The following SRD5A1 variants were observed in gnomAD, a reference collection of about 807,000 sequenced individuals.
SRD5A1 encodes 3-oxo-5-alpha-steroid 4-dehydrogenase 1.
SRD5A1 carries 22 observed loss-of-function variants against 28.2 expected under a neutral mutation model. The ratio of observed to expected loss-of-function variants is 0.78; its 90% CI spans 0.56 to 1.12. The LOEUF (loss-of-function observed/expected upper bound fraction) is 1.12, where lower values mean the gene tolerates loss of function less well. Among genes scored for constraint, SRD5A1 ranks in the 50% most tolerant of loss-of-function variants. The probability of loss-of-function intolerance (pLI) is 0.00; values close to 1 mark genes in which losing one functional copy is unlikely to be tolerated. For missense variants in SRD5A1, 300 were observed against 346.7 expected (o/e 0.87, Z 1.07); for synonymous variants, 151 against 135.0 (o/e 1.12, Z -0.82).
chr5:6,642,220 T>C (rs1351438629), intron 1 of SRD5A1, among the ~76,000 whole-genome samples: 1 of 147,624 alleles, frequency 6.8e-6, no homozygotes, highest in Non-Finnish European at 1.5e-5. Context: ...TTCCTCTCAG[T>C]GTTGATCTGT....
chr5:6,633,939 G>T, intron 1 of SRD5A1, 70 bp downstream of exon 1: 2 of 1,524,336 alleles, frequency 1.3e-6, no homozygotes, highest in Non-Finnish European at 1.8e-6. Context: ...TCCCCTCACT[G>T]CCCGGTGCCC....
intron 1 of SRD5A1, among the ~76,000 whole-genome samples, chr5:6,636,075 A>T (rs1049413200): frequency 8.2e-6 from 1 of 121,890 alleles, no homozygotes; most frequent in Non-Finnish European, 1.9e-5. Flanking sequence ...TTAAATTGCT[A>T]GGCTATTTTT....
At position 6,673,087 on chromosome 5, in the gene SRD5A1, AT is replaced by A. The variant is rs1215449762; in HGVS notation, c.*4822del. Reference sequence around the variant, plus strand: ...AGATCCTCTGGGGAGGGCATCAATTATTTCCTATTGTTTTTAGCACCGATTG... The same window carrying A: ...AGATCCTCTGGGGAGGGCATCAATTATTCCTATTGTTTTTAGCACCGATTG... On this transcript the variant is annotated 3_prime_UTR_variant, in exon 5 of 5. Coordinates refer to ENST00000274192, the MANE Select transcript of SRD5A1 (RefSeq NM_001047.4). 6.6e-6 allele frequency: 1 copy of A among 152,226 alleles called. No homozygotes were observed. Among genetic ancestry groups the A allele is most frequent in the Admixed American group, 6.5e-5 (1 of 15,286 alleles). 9.4% of individuals were successfully genotyped at this position (152,226 alleles called of 1,614,324 possible).
intron 1 of SRD5A1, among the ~76,000 whole-genome samples, chr5:6,640,547 A>G (rs1019114295): frequency 3.5e-5 from 5 of 142,994 alleles, no homozygotes; most frequent in Admixed American, 7.0e-5. Flanking sequence ...TTTTTTTTCA[A>G]TTGAGATGGG....
At chr5:6,644,669 G>A (rs1291815926) in intron 1 of SRD5A1, 1 of 362,410 alleles carries the variant, frequency 2.8e-6, no homozygotes, top group African/African-American at 2.1e-5. Context: ...AAGGCCTCCT[G>A]TTCTGGTTGA....
intron 3 of SRD5A1, among the ~76,000 whole-genome samples, chr5:6,661,168 A>G (rs547954315): frequency 5.9e-5 from 9 of 152,086 alleles, no homozygotes; most frequent in Middle Eastern, 3.4e-3. Flanking sequence ...ACGTCTACAT[A>G]CCCCACCTTC....
intron 1 of SRD5A1, among the ~76,000 whole-genome samples, chr5:6,649,601 A>G (rs974390021): frequency 1.3e-5 from 2 of 152,228 alleles, no homozygotes; most frequent in Non-Finnish European, 2.9e-5. Flanking sequence ...CTGGTTGCGA[A>G]GACTATGAGA....
Position 6,665,336 on chromosome 5 carries a change from C to A in SRD5A1, c.713+2370C>A, listed in dbSNP as rs1482781374. Among the ~76,000 whole-genome samples, 3 of 152,190 alleles carry A rather than the reference C, an allele frequency of 2.0e-5. No homozygotes were observed. The East Asian group carries it at 5.8e-4, about 29-fold the overall frequency. The stretch of plus-strand genomic sequence containing the variant: ...TCAGTGGCCGTTATTATAAGCCACC[C>A]AGTGTGTGGTTAACTTTGTTCTAGC... On this transcript the variant is annotated intron_variant, in intron 4 of 4. Transcript: ENST00000274192.
intron 3 of SRD5A1, among the ~76,000 whole-genome samples, chr5:6,657,463 C>A: frequency 6.6e-6 from 1 of 152,344 alleles, no homozygotes; most frequent in East Asian, 1.9e-4. Context: ...TGGATGGTGG[C>A]CCCCTCGCTT....
At chr5:6,647,974 ATCTC>A in intron 1 of SRD5A1, among the ~76,000 whole-genome samples, 1 of 152,158 alleles carries the variant, frequency 6.6e-6, no homozygotes, top group Non-Finnish European at 1.5e-5. Context: ...TGGTGACAAA[ATCTC>A]TCAGCATTTG....
rs1738041200 is a variant in SRD5A1, at chr5:6,633,483, C to T, written c.-94C>T. On this transcript the variant is annotated 5_prime_UTR_variant, in exon 1 of 5. Transcript: ENST00000274192. ...GCAGTGCGGGACTCCGGTAGCCGCC[C>T]CTCCGGTAGCCGCCCCTCCTGCCCC... 2 of 1,328,388 alleles carry T rather than the reference C, an allele frequency of 1.5e-6. No individual in the cohort carries two copies. Among genetic ancestry groups the T allele is most frequent in the East Asian group, 6.0e-5 (2 of 33,542 alleles). The allele number at this position is 1,328,388 out of a possible 1,614,324, so 82.3% of individuals were successfully genotyped here.
intron 2 of SRD5A1, 129 bp from the exon 3 acceptor site, chr5:6,655,943 ACCAGTT>A (rs1738818161): frequency 3.0e-6 from 2 of 657,452 alleles, no homozygotes; most frequent in Non-Finnish European, 5.3e-6. Flanking sequence ...GGTTTTTACT[ACCAGTT>A]ATGGCTAATA....
intron 1 of SRD5A1, among the ~76,000 whole-genome samples, chr5:6,635,791 C>T (rs1342063386): frequency 1.3e-5 from 2 of 152,196 alleles, no homozygotes; most frequent in Non-Finnish European, 2.9e-5. Flanking sequence ...CCTGACATCC[C>T]AAGTGGAAGC....
chr5:6,633,950 T>A, intron 1 of SRD5A1, 81 bp downstream of exon 1: 4 of 1,484,382 alleles, frequency 2.7e-6, no homozygotes, highest in Non-Finnish European at 3.7e-6. Flanking sequence ...CCCGGTGCCC[T>A]CTCCCCGAAG....
intron 1 of SRD5A1, among the ~76,000 whole-genome samples, chr5:6,646,626 C>T (rs1738518848): frequency 2.0e-5 from 3 of 152,164 alleles, no homozygotes; most frequent in Admixed American, 2.0e-4. Context: ...GTGATATCCT[C>T]TTTATCATTT....
intron 2 of SRD5A1, among the ~76,000 whole-genome samples, chr5:6,652,935 G>C (rs566966410): frequency 8.1e-5 from 12 of 148,638 alleles, no homozygotes; most frequent in African/African-American, 3.0e-4. Context: ...CTATATATTT[G>C]TTTAGTCTAT....
chr5:6,662,589 A>G (rs168713), intron 3 of SRD5A1, among the ~76,000 whole-genome samples: 21,621 of 152,254 alleles, frequency 0.14, 1,716 homozygotes, highest in East Asian at 0.24. Flanking sequence ...ATGTGTGTGT[A>G]TTCACATAGA....
rs554625956 is a variant in SRD5A1, at chr5:6,648,398, G to A, written c.294-3444G>A. 2.1e-4 allele frequency among the ~76,000 whole-genome samples: 32 copies of A among 152,244 alleles called. No homozygotes were observed. In the South Asian group the frequency reaches 2.9e-3, roughly 14 times the overall value. The stretch of plus-strand genomic sequence containing the variant: ...TTTCCAACTTGGTTCCATTCTCCCC[G>A]TCACTTTCAGGTACAAGAGTCAAAC... On this transcript the variant is annotated intron_variant, in intron 1 of 4. Transcript: ENST00000274192.
intron 4 of SRD5A1, among the ~76,000 whole-genome samples, chr5:6,667,516 C>T (rs1739221274): frequency 6.6e-6 from 1 of 152,190 alleles, no homozygotes; most frequent in South Asian, 2.1e-4. Context: ...TTTATAGAAA[C>T]TCCCTTTCTC....
Sources: gnomAD v4.1 joint callset for allele counts (sites outside exome capture counted in the v4.1 genomes callset) on GRCh38, gnomAD v4.1.1 for gene constraint, MANE v1.5 for transcripts, NCBI Gene and HGNC (gene_info 2026-07-23, HGNC 2026-07-21) for gene names.